ARMH3: variants seen among roughly 807,000 people sequenced by gnomAD.
ARMH3 encodes the protein armadillo-like helical domain-containing protein 3.
In ARMH3, 60 loss-of-function variants were observed where a neutral mutation model predicts 99.1. The observed-to-expected ratio is 0.61, with a 90% CI of 0.49 to 0.75. ARMH3 has a LOEUF of 0.75. Among genes scored for constraint, ARMH3 ranks in the 30% least tolerant of loss-of-function variants. The pLI is 0.00. For synonymous variants in ARMH3, 285 were observed against 292.8 expected (o/e 0.97, Z 0.27); for missense variants, 679 against 843.1 (o/e 0.81, Z 2.41).
chr10:102,005,938 G>A (rs1325667803), intron 14 of ARMH3, among the ~76,000 whole-genome samples: 2 of 152,210 alleles, frequency 1.3e-5, no homozygotes, highest in African/African-American at 4.8e-5. Context: ...ATAACAGTGA[G>A]TGAGTGCCAG....
At chr10:101,944,273 T>TATATAGAGAG (rs1844401380) in intron 22 of ARMH3, among the ~76,000 whole-genome samples, 2 of 25,398 alleles carry the variant, frequency 7.9e-5, no homozygotes, top group Non-Finnish European at 1.3e-4. Context: ...TATATATATA[T>TATATAGAGAG]AGAGAGAGAG....
At chr10:101,935,247 A>T (rs1843913924) in intron 23 of ARMH3, among the ~76,000 whole-genome samples, 1 of 150,132 alleles carries the variant, frequency 6.7e-6, no homozygotes. Flanking sequence ...ATAGAGAAGA[A>T]AACATACAGG....
rs117394096 is a variant in ARMH3 at position 101,896,055 on chromosome 10, C to T, written c.1782-6565G>A. ...AGTCTGGGCAACATGGGGAGACCCC[C>T]ATCTCTACAAAATTACAAAAAAAAA... On this transcript the variant is annotated intron_variant, in intron 23 of 25. Transcript: ENST00000370033. Among the ~76,000 whole-genome samples, 447 of 152,116 alleles carry T rather than the reference C, an allele frequency of 2.9e-3. 11 individuals carry two copies. In the East Asian group the frequency reaches 0.057, roughly 19 times the overall value.
intron 23 of ARMH3, 52 bp from the exon 24 acceptor site, chr10:101,889,542 A>T (rs759993695): frequency 6.7e-7 from 1 of 1,492,418 alleles, no homozygotes; most frequent in East Asian, 2.3e-5. Flanking sequence ...AGGTGGATAC[A>T]TCTGTTAAAA....
In ARMH3 at chr10:102,025,369, C is replaced by T; in HGVS notation, c.415-121G>A. 5 of 715,830 alleles carry T rather than the reference C, an allele frequency of 7.0e-6. No individual in the cohort carries two copies. The East Asian group carries it at 1.3e-4, about 18-fold the overall frequency. 44.3% of individuals were successfully genotyped at this position (715,830 alleles called of 1,614,324 possible). A position where few individuals can be genotyped will look rare whatever the true frequency, so the allele number is the denominator to read the frequency against. On this transcript the variant is annotated intron_variant, in intron 5 of 25. Coordinates refer to ENST00000370033, the MANE Select transcript of ARMH3 (RefSeq NM_024541.3). ...CACAATAAAGCAACAACATCATTTC[C>T]TTAGGCCCAGAACTTACAAGATTAA...
chr10:102,014,349 C>T (rs142981731), intron 8 of ARMH3, among the ~76,000 whole-genome samples: 59 of 152,344 alleles, frequency 3.9e-4, no homozygotes, highest in Middle Eastern at 6.8e-3. Context: ...TAAGTGAGTG[C>T]TCCACAACAC....
chr10:102,007,096 G>A (rs1458724038), intron 13 of ARMH3, among the ~76,000 whole-genome samples: 1 of 147,846 alleles, frequency 6.8e-6, no homozygotes, highest in Non-Finnish European at 1.5e-5. Context: ...AGGAGGCGGA[G>A]GTTGCAGTGA....
chr10:102,001,880 G>T (rs1334523258), intron 15 of ARMH3, 91 bp downstream of exon 15: 10 of 1,190,068 alleles, frequency 8.4e-6, no homozygotes, highest in Non-Finnish European at 1.2e-5. Flanking sequence ...AGTTCATCTT[G>T]TCAAAGCTTC....
intron 23 of ARMH3, among the ~76,000 whole-genome samples, chr10:101,900,372 T>C (rs559404779): frequency 6.6e-6 from 1 of 152,336 alleles, no homozygotes; most frequent in Non-Finnish European, 1.5e-5. Context: ...TAAGAAAATG[T>C]GTATTAGATG....
chr10:101,979,909 C>T (rs1310019886), intron 19 of ARMH3, among the ~76,000 whole-genome samples: 1 of 152,174 alleles, frequency 6.6e-6, no homozygotes, highest in Non-Finnish European at 1.5e-5. Context: ...CTTAGAATCC[C>T]TAGTGTATAG....
intron 20 of ARMH3, among the ~76,000 whole-genome samples, chr10:101,960,358 C>T (rs1335711191): frequency 2.0e-5 from 3 of 152,176 alleles, no homozygotes; most frequent in Admixed American, 1.3e-4. Context: ...GTGTCCTATA[C>T]ACCACTACAC....
At chr10:102,051,809 A>C (rs146503837) in intron 1 of ARMH3, among the ~76,000 whole-genome samples, 1 of 152,364 alleles carries the variant, frequency 6.6e-6, no homozygotes, top group African/African-American at 2.4e-5. Context: ...TGGTCCCATC[A>C]GCATCTACTC....
intron 17 of ARMH3, among the ~76,000 whole-genome samples, chr10:101,992,600 A>G (rs1233524188): frequency 1.3e-5 from 2 of 150,492 alleles, no homozygotes; most frequent in African/African-American, 4.9e-5. Context: ...GATTCGCGCC[A>G]TTCTCCTGAC....
intron 6 of ARMH3, 80 bp downstream of exon 6, chr10:102,025,076 C>A: frequency 8.4e-7 from 1 of 1,195,226 alleles, no homozygotes; most frequent in Admixed American, 1.8e-5. Context: ...TCTCTTTTTC[C>A]TTCTATCTTT....
chr10:101,884,159 G>T (rs1173674598), intron 24 of ARMH3, among the ~76,000 whole-genome samples: 2 of 152,156 alleles, frequency 1.3e-5, no homozygotes, highest in African/African-American at 4.8e-5. Flanking sequence ...GAGAGCTAGA[G>T]GAGATGAACA....
chr10:102,000,421 G>C (rs757166594), intron 15 of ARMH3, among the ~76,000 whole-genome samples: 3 of 151,846 alleles, frequency 2.0e-5, no homozygotes, highest in Non-Finnish European at 4.4e-5. Context: ...AGGAGGATGG[G>C]GTATTAGTGT....
At chr10:102,005,655 C>A (rs2066467559) in intron 14 of ARMH3, among the ~76,000 whole-genome samples, 1 of 152,174 alleles carries the variant, frequency 6.6e-6, no homozygotes, top group South Asian at 2.1e-4. Context: ...CAAGGTCAAT[C>A]TTTGAGCTAC....
At chr10:102,013,791 T>C (rs992077246) in intron 9 of ARMH3, among the ~76,000 whole-genome samples, 177 bp downstream of exon 9, 12 of 152,168 alleles carry the variant, frequency 7.9e-5, no homozygotes, top group Non-Finnish European at 1.2e-4. Context: ...TGATAATAAG[T>C]CAGAAGACAG....
At chr10:102,035,803 T>C (rs2136222340) in intron 2 of ARMH3, among the ~76,000 whole-genome samples, 1 of 152,286 alleles carries the variant, frequency 6.6e-6, no homozygotes, top group Admixed American at 6.5e-5. Flanking sequence ...GTGCCGAGAT[T>C]GCAGCCTCTG....
Sources: gnomAD v4.1 joint callset for allele counts (sites outside exome capture counted in the v4.1 genomes callset) on GRCh38, gnomAD v4.1.1 for gene constraint, MANE v1.5 for transcripts, NCBI Gene and HGNC (gene_info 2026-07-23, HGNC 2026-07-21) for gene names.